The following PLXND1 variants were observed in gnomAD, a reference collection of about 807,000 sequenced individuals.
PLXND1 encodes the protein plexin-D1.
Under a neutral mutation model 197.7 loss-of-function variants are expected in PLXND1, and 54 were observed. The ratio of observed to expected loss-of-function variants is 0.27; its 90% CI spans 0.22 to 0.34. The LOEUF is 0.34. Among genes scored for constraint, PLXND1 ranks in the 10% least tolerant of loss-of-function variants. The probability of loss-of-function intolerance (pLI) is 1.00; values close to 1 mark genes in which losing one functional copy is unlikely to be tolerated. For synonymous variants in PLXND1, 1,180 were observed against 1,161.2 expected (o/e 1.02, Z -0.33); for missense variants, 2,127 against 2,699.2 (o/e 0.79, Z 4.70).
chr3:129,598,556 T>G, intron 1 of PLXND1, among the ~76,000 whole-genome samples: 1 of 151,286 alleles, frequency 6.6e-6, no homozygotes, highest in East Asian at 1.9e-4. Flanking sequence ...CACCAGGGGG[T>G]CATCCTAACC....
rs576209694 is a variant in PLXND1 at position 129,558,989 on chromosome 3, G to T, written c.5298-414C>A. 9.2e-5 allele frequency among the ~76,000 whole-genome samples: 14 copies of T among 152,172 alleles called. No homozygotes were observed. Among genetic ancestry groups the T allele is most frequent in the Non-Finnish European group, 1.9e-4 (13 of 68,020 alleles). On this transcript the variant is annotated intron_variant, in intron 32 of 35. Transcript: ENST00000324093. The surrounding 1 kb of genome is among the most constrained non-coding windows in gnomAD (Gnocchi z 4.1). ...CCTGGAGCTCTGGCCTTGTCCTCAA[G>T]AGGCCAGAGAGGGTGAGCAACACCC...
Position 129,579,895 on chromosome 3 carries a change from C to T in PLXND1, c.2242-1462G>A, listed in dbSNP as rs543688922. On this transcript the variant is annotated intron_variant, in intron 8 of 35. Transcript: ENST00000324093. ...TCCCCTCAGGGACCCCAGCCCAAAA[C>T]CGGACCTCGAGGGGATGCCAATGCC... 1.6e-4 allele frequency among the ~76,000 whole-genome samples: 24 copies of T among 152,302 alleles called. No homozygotes were observed. In the Middle Eastern group the frequency reaches 0.01, roughly 65 times the overall value.
At chr3:129,593,012 C>A (rs555407718) in intron 1 of PLXND1, among the ~76,000 whole-genome samples, 4 of 152,306 alleles carry the variant, frequency 2.6e-5, no homozygotes, top group African/African-American at 7.2e-5. Flanking sequence ...ACCCCAGCAC[C>A]GTCCTCCTTA....
intron 9 of PLXND1, among the ~76,000 whole-genome samples, chr3:129,576,939 G>A (rs1461001134): frequency 6.6e-6 from 1 of 152,112 alleles, no homozygotes; most frequent in Non-Finnish European, 1.5e-5. Flanking sequence ...TGTGTATTAC[G>A]CCAAGCACCC....
chr3:129,558,032 T>G lies in PLXND1; in HGVS notation c.5445+396A>C, dbSNP rs1489486996. Among the ~76,000 whole-genome samples, 1 of 152,202 alleles carries G rather than the reference T, an allele frequency of 6.6e-6. No individual in the cohort carries two copies. Among genetic ancestry groups the G allele is most frequent in the African/African-American group, 2.4e-5 (1 of 41,456 alleles). On this transcript the variant is annotated intron_variant, in intron 33 of 35. Coordinates refer to ENST00000324093, the MANE Select transcript of PLXND1 (RefSeq NM_015103.3). This position sits in a 1 kb window ranked among gnomAD's most constrained non-coding sequence, Gnocchi z 4.1. ...CCCCTCTGCCCACCCCTTCACTGAA[T>G]GCTCGCTTGAATGGCTTTTGACTTT...
chr3:129,597,180 G>T (rs138541819), intron 1 of PLXND1, among the ~76,000 whole-genome samples: 10 of 152,364 alleles, frequency 6.6e-5, no homozygotes, highest in African/African-American at 2.4e-4. Context: ...CACACAGCCG[G>T]AATGGCTAGA....
intron 20 of PLXND1, among the ~76,000 whole-genome samples, chr3:129,568,871 T>C (rs967137182): frequency 6.6e-6 from 1 of 152,230 alleles, no homozygotes; most frequent in Non-Finnish European, 1.5e-5. Context: ...TTCTAGTATA[T>C]TCACAGAGTT....
At position 129,558,651 on chromosome 3, in the gene PLXND1, A is replaced by T. The variant is rs1011642987; in HGVS notation, c.5298-76T>A. The T allele has an allele frequency of 2.8e-6, 4 of 1,453,094 alleles. No homozygotes were observed. The highest frequency in any genetic ancestry group is 2.9e-6 in the Non-Finnish European group (3 of 1,052,200). The allele number at this position is 1,453,094 out of a possible 1,614,324, so 90.0% of individuals were successfully genotyped here. ...GTCGAGGGACAGTTGTGGAGGAGAGAGCTGGCTTTGTCCCTCAAGGGCCTG... is the reference window on the plus strand; with the variant it reads ...GTCGAGGGACAGTTGTGGAGGAGAGTGCTGGCTTTGTCCCTCAAGGGCCTG... On this transcript the variant is annotated intron_variant, in intron 32 of 35. Coordinates refer to ENST00000324093, the MANE Select transcript of PLXND1 (RefSeq NM_015103.3). The surrounding 1 kb of genome is among the most constrained non-coding windows in gnomAD (Gnocchi z 4.1).
rs761402697 is a variant in PLXND1, at chr3:129,566,007, C to T, written c.4202G>A (p.Ser1401Asn). 5 of 1,614,000 alleles carry T rather than the reference C, an allele frequency of 3.1e-6. No individual in the cohort carries two copies. The African/African-American group carries it at 6.7e-5, about 22-fold the overall frequency. ...PLLGEWKIPE[S>N]CRPNMEEGIS... ...TCCCTCTTCCATGTTGGGCCGGCAG[C>T]TCTCAGGAATCTGTGGAAGCAACTG... The change falls in exon 24 of 36, where the codon AGC becomes AAC. Residue 1401 changes from serine (S) to asparagine (N), a missense_variant. Physicochemically the swap from Ser to Asn is conservative, Grantham distance 46. Around this residue, in one of 6 missense-constraint regions of PLXND1, gnomAD observed 532 missense variants for 811.0 expected, o/e 0.66. Coordinates refer to ENST00000324093, the MANE Select transcript of PLXND1 (RefSeq NM_015103.3).
At chr3:129,575,338 G>A (rs2085296649) in intron 11 of PLXND1, 131 bp downstream of exon 11, 2 of 646,396 alleles carry the variant, frequency 3.1e-6, no homozygotes, top group African/African-American at 1.8e-5. Context: ...ATGAGGCTGT[G>A]TGTGTGCTGG....
rs564129404 is a variant in PLXND1, at chr3:129,595,009, T to C, written c.1312-5482A>G. Among the ~76,000 whole-genome samples, 4 of 152,274 alleles carry C rather than the reference T, an allele frequency of 2.6e-5. No individual in the cohort carries two copies. In the East Asian group the frequency reaches 7.7e-4, roughly 29 times the overall value. ...CCACTCAATCTGGCCCTGACCTCTG[T>C]GGCCTCTCTCAGCCCCCGTCCCCGC... On this transcript the variant is annotated intron_variant, in intron 1 of 35. Coordinates refer to ENST00000324093, the MANE Select transcript of PLXND1 (RefSeq NM_015103.3).
At chr3:129,569,994 T>C (rs746923728) in intron 19 of PLXND1, 37 bp from the exon 20 acceptor site, 1 of 1,192,532 alleles carries the variant, frequency 8.4e-7, no homozygotes, top group Non-Finnish European at 1.3e-6. Context: ...GTAGCTTTCC[T>C]GGACTTATAC....
chr3:129,579,975 C>G (rs1351057546), intron 8 of PLXND1, among the ~76,000 whole-genome samples: 2 of 152,318 alleles, frequency 1.3e-5, no homozygotes, highest in East Asian at 3.9e-4. Context: ...ACCAGCTCAT[C>G]TAGCCCTCCC....
intron 8 of PLXND1, among the ~76,000 whole-genome samples, chr3:129,581,234 CA>C (rs2085383770): frequency 6.6e-6 from 1 of 152,184 alleles, no homozygotes; most frequent in Non-Finnish European, 1.5e-5. Flanking sequence ...CATTAAATGC[CA>C]AATTAAACAT....
At position 129,555,779 on chromosome 3, in the gene PLXND1, C is replaced by A. The variant is rs575091527; in HGVS notation, c.*533G>T. 12 of 461,918 alleles carry A rather than the reference C, an allele frequency of 2.6e-5. No individual in the cohort carries two copies. Among genetic ancestry groups the A allele is most frequent in the Non-Finnish European group, 3.4e-5 (9 of 264,002 alleles). The allele number at this position is 461,918 out of a possible 1,614,324, so 28.6% of individuals were successfully genotyped here. A position where few individuals can be genotyped will look rare whatever the true frequency, so the allele number is the denominator to read the frequency against. On this transcript the variant is annotated 3_prime_UTR_variant, in exon 36 of 36. Transcript: ENST00000324093. ...CCGCCCAAGCAACAAAAATCTGACA[C>A]TACTTGAAACTGTCTGTGGCCAGGA...
intron 5 of PLXND1, 57 bp from the exon 6 acceptor site, chr3:129,584,619 C>A: frequency 1.3e-6 from 2 of 1,509,144 alleles, no homozygotes. Context: ...CACAGCCTGC[C>A]CCAGGGCTGT....
chr3:129,570,395 C>A (rs1344431736), intron 19 of PLXND1, among the ~76,000 whole-genome samples: 1 of 151,892 alleles, frequency 6.6e-6, no homozygotes, highest in African/African-American at 2.4e-5. Flanking sequence ...GTGGCACACG[C>A]TGCTTGGGAG....
intron 1 of PLXND1, among the ~76,000 whole-genome samples, chr3:129,601,538 G>A (rs1370825929): frequency 6.6e-6 from 1 of 152,144 alleles, no homozygotes; most frequent in African/African-American, 2.4e-5. Flanking sequence ...ATTCGGCCCT[G>A]GGGTCCTGCC....
chr3:129,570,034 C>T, intron 19 of PLXND1, 77 bp from the exon 20 acceptor site: 1 of 837,106 alleles, frequency 1.2e-6, no homozygotes, highest in Non-Finnish European at 2.0e-6. Flanking sequence ...TGCTGTGTGG[C>T]CCTGGGTAAA....
Sources: allele counts gnomAD v4.1 joint callset (sites outside exome capture counted in the v4.1 genomes callset), GRCh38; gene constraint gnomAD v4.1.1; regional missense constraint gnomAD v4.1.1; non-coding constraint Gnocchi (gnomAD v3.1); transcripts MANE v1.5; gene names NCBI Gene and HGNC (gene_info 2026-07-23, HGNC 2026-07-21).